ATP11B: variants seen among roughly 807,000 people sequenced by gnomAD.
ATP11B encodes the protein ATPase phospholipid transporting 11B (putative), also known as phospholipid-transporting ATPase IF.
In ATP11B, 81 loss-of-function variants were observed where a neutral mutation model predicts 157.8. The observed-to-expected ratio is 0.51, with a 90% CI of 0.43 to 0.62. The LOEUF is 0.62. Among genes scored for constraint, ATP11B ranks in the 20% least tolerant of loss-of-function variants. The pLI is 0.00. For synonymous variants in ATP11B, 451 were observed against 469.4 expected (o/e 0.96, Z 0.51); for missense variants, 1,165 against 1,402.2 (o/e 0.83, Z 2.70).
chr3:182,867,899 A>G (rs998579513), intron 15 of ATP11B, among the ~76,000 whole-genome samples: 2 of 152,110 alleles, frequency 1.3e-5, no homozygotes, highest in African/African-American at 4.8e-5. Context: ...GGTTGTTTTA[A>G]AAAGAGGTAA....
intron 28 of ATP11B, among the ~76,000 whole-genome samples, chr3:182,907,732 A>T (rs1724473720): frequency 6.6e-6 from 1 of 152,208 alleles, no homozygotes; most frequent in South Asian, 2.1e-4. Context: ...AAAGCAGATA[A>T]TCTCCTAAGA....
chr3:182,797,539 C>T (rs886552328), intron 1 of ATP11B, among the ~76,000 whole-genome samples: 2 of 152,094 alleles, frequency 1.3e-5, no homozygotes, highest in Non-Finnish European at 2.9e-5. Context: ...GAAACCTCAT[C>T]TCTACTAAAA....
intron 15 of ATP11B, 64 bp downstream of exon 15, chr3:182,867,508 C>G (rs992382777): frequency 3.7e-6 from 4 of 1,092,210 alleles, no homozygotes; most frequent in African/African-American, 1.6e-5. Context: ...GAATAAGGAT[C>G]AGTAAACTGT....
intron 29 of ATP11B, chr3:182,916,846 A>G (rs1577128594): frequency 7.1e-6 from 7 of 983,504 alleles, no homozygotes; most frequent in Non-Finnish European, 8.5e-6. Flanking sequence ...TAATTGGAGT[A>G]CTGATAGCTG....
At chr3:182,820,120 A>G in intron 1 of ATP11B, 140 bp from the exon 2 acceptor site, 1 of 570,416 alleles carries the variant, frequency 1.8e-6, no homozygotes, top group Admixed American at 3.2e-5. Context: ...AGCTCTTCTA[A>G]TTAGATGGAT....
At chr3:182,900,399 T>C (rs1049540682) in intron 28 of ATP11B, among the ~76,000 whole-genome samples, 3 of 152,210 alleles carry the variant, frequency 2.0e-5, no homozygotes, top group Admixed American at 2.0e-4. Context: ...AGTAAAACAG[T>C]TATCATTATA....
chr3:182,810,757 T>C (rs1716614437), intron 1 of ATP11B, among the ~76,000 whole-genome samples: 2 of 152,244 alleles, frequency 1.3e-5, no homozygotes, highest in South Asian at 4.1e-4. Context: ...GTTTGAGTAC[T>C]GTCTGTACTG....
At chr3:182,880,795 C>A in intron 20 of ATP11B, 84 bp from the exon 21 acceptor site, 1 of 743,416 alleles carries the variant, frequency 1.3e-6, no homozygotes, top group Non-Finnish European at 2.1e-6. Context: ...AGTGTTCTTA[C>A]TATAGTCATT....
chr3:182,879,670 A>G (rs1271437192), intron 20 of ATP11B, 21 bp downstream of exon 20: 1 of 1,578,628 alleles, frequency 6.3e-7, no homozygotes, highest in South Asian at 1.2e-5. Context: ...ATGTTATAAA[A>G]AAGTCCCATA....
chr3:182,881,157 C>T (rs907022301), intron 21 of ATP11B, among the ~76,000 whole-genome samples, 176 bp downstream of exon 21: 2 of 152,146 alleles, frequency 1.3e-5, no homozygotes, highest in African/African-American at 2.4e-5. Flanking sequence ...ATAATTAGGC[C>T]GGGCGTGGTG....
At chr3:182,833,773 G>A (rs546865963) in intron 4 of ATP11B, 4 of 152,186 alleles carry the variant, frequency 2.6e-5, no homozygotes, top group Non-Finnish European at 5.9e-5. Flanking sequence ...TTGAGTTTTG[G>A]AATATGGGTA....
intron 28 of ATP11B, among the ~76,000 whole-genome samples, chr3:182,898,984 TA>T (rs1284670782): frequency 6.6e-6 from 1 of 152,122 alleles, no homozygotes; most frequent in Non-Finnish European, 1.5e-5. Context: ...GTTATTTTTT[TA>T]ATTACATTGT....
intron 1 of ATP11B, among the ~76,000 whole-genome samples, chr3:182,812,544 C>T (rs1716736813): frequency 1.3e-5 from 2 of 152,134 alleles, no homozygotes; most frequent in African/African-American, 2.4e-5. Flanking sequence ...CTAAACCTTA[C>T]ACATTTATTT....
intron 28 of ATP11B, among the ~76,000 whole-genome samples, chr3:182,904,691 C>T (rs924117228): frequency 6.6e-6 from 1 of 152,054 alleles, no homozygotes; most frequent in Non-Finnish European, 1.5e-5. Flanking sequence ...AGTTCAAGGC[C>T]ATCCTGGCCA....
rs1715383369 is a variant in ATP11B at position 182,793,630 on chromosome 3, G to C, written c.-130G>C. 2.1e-6 allele frequency: 1 copy of C among 485,038 alleles called. No homozygotes were observed. The highest frequency in any genetic ancestry group is 3.4e-6 in the Non-Finnish European group (1 of 297,636). 30.0% of individuals were successfully genotyped at this position (485,038 alleles called of 1,614,324 possible). A position where few individuals can be genotyped will look rare whatever the true frequency, so the allele number is the denominator to read the frequency against. ...GGGACGCGGCGCGGGGAGTGAGGCA[G>C]TGGCGGCGGCGGCGGTAAGCGGAAC... On this transcript the variant is annotated 5_prime_UTR_variant, in exon 1 of 30. Transcript: ENST00000323116.
At chr3:182,868,731 T>A (rs1005155539) in intron 15 of ATP11B, among the ~76,000 whole-genome samples, 3 of 152,244 alleles carry the variant, frequency 2.0e-5, no homozygotes, top group African/African-American at 7.2e-5. Flanking sequence ...CAGTTCTTGC[T>A]CTGCCACTCA....
In ATP11B at chr3:182,921,533, T is replaced by C. The variant is rs888815470; in HGVS notation, c.*3429T>C. ...CTAATGTAATCCTTTAAAAATTCTC[T>C]GCATTGTCAGTAAATGTAGTATATT... On this transcript the variant is annotated 3_prime_UTR_variant, in exon 30 of 30. Coordinates refer to ENST00000323116, the MANE Select transcript of ATP11B (RefSeq NM_014616.3). 6.6e-6 allele frequency: 1 copy of C among 152,364 alleles called. No individual in the cohort carries two copies. Among genetic ancestry groups the C allele is most frequent in the Admixed American group, 6.5e-5 (1 of 15,306 alleles). 9.4% of individuals were successfully genotyped at this position (152,364 alleles called of 1,614,324 possible).
chr3:182,864,208 G>C (rs1231995188), intron 12 of ATP11B, among the ~76,000 whole-genome samples: 1 of 151,992 alleles, frequency 6.6e-6, no homozygotes, highest in African/African-American at 2.4e-5. Context: ...TGTGCAAATG[G>C]AGATAGTTTT....
intron 25 of ATP11B, among the ~76,000 whole-genome samples, chr3:182,895,648 G>A (rs11709229): frequency 0.29 from 44,008 of 152,016 alleles, 6,832 homozygotes; most frequent in East Asian, 0.56. Flanking sequence ...GAAAGAGGGC[G>A]GCTCAACAGC....
Sources: allele counts gnomAD v4.1 joint callset (sites outside exome capture counted in the v4.1 genomes callset), GRCh38; gene constraint gnomAD v4.1.1; transcripts MANE v1.5; gene names NCBI Gene and HGNC (gene_info 2026-07-23, HGNC 2026-07-21).